The following BSPH1 variants were observed in gnomAD, a reference collection of about 807,000 sequenced individuals.
The protein encoded by BSPH1 is binder of sperm 1.
BSPH1 carries 21 observed loss-of-function variants against 22.5 expected under a neutral mutation model. That is an observed-to-expected ratio of 0.93 (90% CI 0.66 to 1.35). The LOEUF is 1.35. Ranked by LOEUF, BSPH1 falls within the 40% of genes most tolerant of loss-of-function variation. The probability of loss-of-function intolerance (pLI) is 0.00; values close to 1 mark genes in which losing one functional copy is unlikely to be tolerated. For synonymous variants in BSPH1, 42 were observed against 53.6 expected (o/e 0.78, Z 0.95); for missense variants, 141 against 154.2 (o/e 0.91, Z 0.45).
intron 2 of BSPH1, chr19:47,980,340 G>A (rs867057148): frequency 3.7e-6 from 1 of 272,976 alleles, no homozygotes; most frequent in Non-Finnish European, 5.6e-6. Context: ...GTGGCAAAAG[G>A]CATTTTCTAT....
intron 5 of BSPH1, among the ~76,000 whole-genome samples, chr19:47,974,588 C>G (rs1454673370): frequency 6.6e-6 from 1 of 151,422 alleles, no homozygotes; most frequent in Non-Finnish European, 1.5e-5. Context: ...TTCTACCCGA[C>G]CCTCTCTCCT....
chr19:47,977,794 G>T (rs970808019), intron 3 of BSPH1: 2 of 459,852 alleles, frequency 4.3e-6, no homozygotes, highest in African/African-American at 2.1e-5. Flanking sequence ...AAATATAAAT[G>T]TGGGCATTTA....
At chr19:47,974,398 T>G (rs1969341796) in intron 5 of BSPH1, among the ~76,000 whole-genome samples, 1 of 151,312 alleles carries the variant, frequency 6.6e-6, no homozygotes, top group South Asian at 2.1e-4. Context: ...GCCTCCCAAG[T>G]AGCTGGGATT....
intron 3 of BSPH1, 93 bp downstream of exon 3, chr19:47,979,476 AT>A (rs35111956): frequency 2.9e-5 from 19 of 661,424 alleles, no homozygotes; most frequent in Admixed American, 7.2e-5. Flanking sequence ...AGAAAAAATG[AT>A]TTTTTTTACT....
chr19:47,979,704 G>T, intron 2 of BSPH1, 105 bp from the exon 3 acceptor site: 3 of 523,024 alleles, frequency 5.7e-6, no homozygotes, highest in Non-Finnish European at 1.0e-5. Context: ...TTAGGAAAAA[G>T]TGATATTGTT....
chr19:47,980,005 C>A (rs976089694), intron 2 of BSPH1, among the ~76,000 whole-genome samples: 1 of 152,002 alleles, frequency 6.6e-6, no homozygotes, highest in African/African-American at 2.4e-5. Flanking sequence ...AATTTTTATT[C>A]ATGTTCTTAG....
intron 3 of BSPH1, chr19:47,977,798 G>GCCCA: frequency 2.5e-6 from 1 of 400,450 alleles, no homozygotes; most frequent in South Asian, 1.0e-4. Context: ...ATAAATGTGG[G>GCCCA]CATTTATCTA....
At position 47,992,147 on chromosome 19, in the gene BSPH1, C is replaced by T; in HGVS notation, c.-66G>A. ...CTTTGTCAGCCAGGGCTCAAGAATC[C>T]CCTGGAGAGGCCCAGGGAGGCTTCT... is the stretch of plus-strand genomic sequence containing the variant. On this transcript the variant is annotated 5_prime_UTR_variant, in exon 1 of 6. Transcript: ENST00000344839. 7.5e-7 allele frequency: 1 copy of T among 1,332,464 alleles called. No homozygotes were observed. The highest frequency in any genetic ancestry group is 1.1e-6 in the Non-Finnish European group (1 of 950,504). 82.5% of individuals were successfully genotyped at this position (1,332,464 alleles called of 1,614,324 possible).
intron 3 of BSPH1, among the ~76,000 whole-genome samples, chr19:47,979,189 C>A (rs923844745): frequency 6.6e-6 from 1 of 151,958 alleles, no homozygotes; most frequent in Non-Finnish European, 1.5e-5. Context: ...CCTCCTCTTC[C>A]ATTTTTCTAG....
chr19:47,977,698 C>T (rs1969378271), intron 3 of BSPH1, 194 bp from the exon 4 acceptor site: 2 of 984,930 alleles, frequency 2.0e-6, no homozygotes, highest in Non-Finnish European at 2.4e-6. Flanking sequence ...ATTCCTGCCC[C>T]TGCCCTACTT....
chr19:47,976,186 T>G (rs968736784), intron 5 of BSPH1, among the ~76,000 whole-genome samples: 77 of 92,406 alleles, frequency 8.3e-4, no homozygotes, highest in Non-Finnish European at 1.6e-3. Flanking sequence ...GGGTCTCTCT[T>G]TCATCACAAC....
At chr19:47,974,309 A>G (rs1410645063) in intron 5 of BSPH1, among the ~76,000 whole-genome samples, 3 of 123,230 alleles carry the variant, frequency 2.4e-5, no homozygotes, top group East Asian at 2.3e-4. Context: ...TTGCTCTGTC[A>G]CCCAGGCTGG....
intron 1 of BSPH1, among the ~76,000 whole-genome samples, chr19:47,982,677 AT>A (rs1164435132): frequency 6.6e-6 from 1 of 152,226 alleles, no homozygotes; most frequent in African/African-American, 2.4e-5. Context: ...AGCATTATTC[AT>A]AATAGCCAAA....
chr19:47,972,767 T>G, intron 5 of BSPH1, among the ~76,000 whole-genome samples: 1 of 152,188 alleles, frequency 6.6e-6, no homozygotes. Flanking sequence ...GTATTTCTTT[T>G]TAATGTAATT....
chr19:47,988,372 C>T (rs143579053), intron 1 of BSPH1, among the ~76,000 whole-genome samples: 2 of 152,258 alleles, frequency 1.3e-5, no homozygotes, highest in Non-Finnish European at 2.9e-5. Flanking sequence ...GAATCACGAT[C>T]CTCCTGTTTC....
intron 3 of BSPH1, among the ~76,000 whole-genome samples, chr19:47,978,674 C>T (rs1568396973): frequency 1.3e-5 from 2 of 152,190 alleles, no homozygotes; most frequent in Non-Finnish European, 2.9e-5. Context: ...GCTCCTTTAC[C>T]TGAATTTTCA....
chr19:47,983,404 A>AT (rs1319054082), intron 1 of BSPH1, among the ~76,000 whole-genome samples: 1 of 152,086 alleles, frequency 6.6e-6, no homozygotes, highest in Non-Finnish European at 1.5e-5. Context: ...TAGGAAATGG[A>AT]TTTTGGTTTT....
intron 1 of BSPH1, among the ~76,000 whole-genome samples, chr19:47,990,259 C>A (rs1315770905): frequency 6.6e-6 from 1 of 151,856 alleles, no homozygotes; most frequent in Non-Finnish European, 1.5e-5. Flanking sequence ...TACAGGCTAA[C>A]GAGCCCGGGG....
intron 5 of BSPH1, among the ~76,000 whole-genome samples, chr19:47,973,195 T>C (rs1236135263): frequency 1.3e-5 from 2 of 148,920 alleles, no homozygotes; most frequent in Non-Finnish European, 3.0e-5. Context: ...CCAGCCTGGG[T>C]GTCAGAGCGA....
Sources: allele counts gnomAD v4.1 joint callset (sites outside exome capture counted in the v4.1 genomes callset), GRCh38; gene constraint gnomAD v4.1.1; transcripts MANE v1.5; gene names NCBI Gene and HGNC (gene_info 2026-07-23, HGNC 2026-07-21).